Variants in TMEM39B observed in about 807,000 individuals in gnomAD.
TMEM39B encodes the protein transmembrane protein 39B.
Under a neutral mutation model 52.2 loss-of-function variants are expected in TMEM39B, and 23 were observed. The ratio of observed to expected loss-of-function variants is 0.44; its 90% CI spans 0.32 to 0.62. TMEM39B has a LOEUF of 0.62. Among genes scored for constraint, TMEM39B ranks in the 20% least tolerant of loss-of-function variants. The pLI is 0.06. For missense variants in TMEM39B, 547 were observed against 642.0 expected (o/e 0.85, Z 1.60); for synonymous variants, 285 against 264.0 (o/e 1.08, Z -0.77).
chr1:32,081,226 A>T (rs1640088711), intron 5 of TMEM39B, among the ~76,000 whole-genome samples: 2 of 151,102 alleles, frequency 1.3e-5, no homozygotes, highest in Admixed American at 1.3e-4. Context: ...TTACAGACAG[A>T]GTCTGTAAAC....
intron 5 of TMEM39B, among the ~76,000 whole-genome samples, chr1:32,089,052 G>T (rs1408451799): frequency 6.6e-6 from 1 of 151,816 alleles, no homozygotes; most frequent in Non-Finnish European, 1.5e-5. Flanking sequence ...GTAATTTAGG[G>T]CAAGTTAAGG....
chr1:32,075,948 C>T, intron 3 of TMEM39B, 126 bp downstream of exon 3: 1 of 636,046 alleles, frequency 1.6e-6, no homozygotes, highest in Non-Finnish European at 2.7e-6. Flanking sequence ...TGGCTCCATG[C>T]TGAACATGGA....
intron 6 of TMEM39B, among the ~76,000 whole-genome samples, chr1:32,092,816 A>G (rs1050594579): frequency 6.6e-6 from 1 of 152,164 alleles, no homozygotes; most frequent in African/African-American, 2.4e-5. Flanking sequence ...AGTGCAGAGA[A>G]CTAGACTCAC....
chr1:32,089,391 C>T (rs1258042432), intron 5 of TMEM39B, among the ~76,000 whole-genome samples: 6 of 151,760 alleles, frequency 4.0e-5, no homozygotes, highest in Non-Finnish European at 2.9e-5. Flanking sequence ...CTCTGCCTCC[C>T]GAAGTGCTGG....
rs1639857315 is a variant in TMEM39B at position 32,076,284 on chromosome 1, T to TA, written c.351+463dup. On this transcript the variant is annotated intron_variant, in intron 3 of 8. Coordinates refer to ENST00000336294, the MANE Select transcript of TMEM39B (RefSeq NM_018056.4). Reference sequence around the variant, plus strand: ...GTGCCGCCATGTCCGGCTAATTTTGTATTTTTAGTGGAGACAGGGTTTCAC... The same window carrying TA: ...GTGCCGCCATGTCCGGCTAATTTTGTAATTTTTAGTGGAGACAGGGTTTCAC... The TA allele has an allele frequency of 1.9e-5, 5 of 257,958 alleles. No individual in the cohort carries two copies. In the Admixed American group the frequency reaches 2.3e-4, roughly 12 times the overall value. 16.0% of individuals were successfully genotyped at this position (257,958 alleles called of 1,614,324 possible).
intron 6 of TMEM39B, among the ~76,000 whole-genome samples, chr1:32,093,337 G>T (rs1640680662): frequency 6.7e-6 from 1 of 148,222 alleles, no homozygotes; most frequent in Admixed American, 6.8e-5. Context: ...GACCTCAGGT[G>T]ATCCACCCAC....
At chr1:32,087,029 G>A (rs529524028) in intron 5 of TMEM39B, 1 of 152,096 alleles carries the variant, frequency 6.6e-6, no homozygotes, top group African/African-American at 2.4e-5. Flanking sequence ...CCTGAGCCTA[G>A]GAGGTAGAGG....
At chr1:32,077,808 GTGCCTGCATATGCATGTGTGTA>G (rs1412745025) in intron 5 of TMEM39B, among the ~76,000 whole-genome samples, 1 of 152,198 alleles carries the variant, frequency 6.6e-6, no homozygotes, top group Non-Finnish European at 1.5e-5. Flanking sequence ...GCATGTGTGT[GTGCCTGCATATGCATGTGTGTA>G]TGCCTTTGTG....
At position 32,072,980 on chromosome 1, in the gene TMEM39B, C is replaced by T; in HGVS notation, c.-68C>T. 1 of 1,528,338 alleles carries T rather than the reference C, an allele frequency of 6.5e-7. No homozygotes were observed. 94.7% of individuals were successfully genotyped at this position (1,528,338 alleles called of 1,614,324 possible). A position where few individuals can be genotyped will look rare whatever the true frequency, so the allele number is the denominator to read the frequency against. On this transcript the variant is annotated 5_prime_UTR_variant, in exon 1 of 9. Transcript: ENST00000336294. ...CTGCGGCGGTTAGTCCTCTCCCGGC[C>T]GCCGTCGCCTCCGACATATTGCCCG...
At chr1:32,088,853 C>T (rs1450495760) in intron 5 of TMEM39B, among the ~76,000 whole-genome samples, 1 of 152,024 alleles carries the variant, frequency 6.6e-6, no homozygotes, top group Admixed American at 6.6e-5. Flanking sequence ...AAGAGTATTT[C>T]GGGAATGCCA....
intron 7 of TMEM39B, 65 bp from the exon 8 acceptor site, chr1:32,100,377 A>G: frequency 6.7e-7 from 1 of 1,497,570 alleles, no homozygotes; most frequent in Non-Finnish European, 8.9e-7. Context: ...CCTCCTGCCC[A>G]TTCTTCTGGT....
intron 5 of TMEM39B, among the ~76,000 whole-genome samples, chr1:32,084,909 T>C (rs944948424): frequency 3.3e-5 from 5 of 152,134 alleles, no homozygotes; most frequent in African/African-American, 1.2e-4. Flanking sequence ...TCAGAACTTT[T>C]GCAGTTATTA....
At chr1:32,075,154 C>A in intron 2 of TMEM39B, 77 bp downstream of exon 2, 1 of 1,471,938 alleles carries the variant, frequency 6.8e-7, no homozygotes, top group Non-Finnish European at 9.0e-7. Context: ...TGACTGGATT[C>A]TAAGATGTGA....
At chr1:32,076,715 A>G in intron 3 of TMEM39B, 48 bp from the exon 4 acceptor site, 1 of 1,595,230 alleles carries the variant, frequency 6.3e-7, no homozygotes, top group African/African-American at 1.3e-5. Flanking sequence ...AAAAGCCTGC[A>G]TATGGGCAAG....
chr1:32,073,012 C>T lies in TMEM39B; in HGVS notation c.-36C>T. On this transcript the variant is annotated 5_prime_UTR_variant, in exon 1 of 9. Transcript: ENST00000336294. ...GCCTCCGACATATTGCCCGCAGGAG[C>T]TGCGGCGGCGAAGCGGAGAGCACCG... 1 of 1,532,642 alleles carries T rather than the reference C, an allele frequency of 6.5e-7. No individual in the cohort carries two copies. The highest frequency in any genetic ancestry group is 2.6e-5 in the East Asian group (1 of 38,404). 94.9% of individuals were successfully genotyped at this position (1,532,642 alleles called of 1,614,324 possible). A position where few individuals can be genotyped will look rare whatever the true frequency, so the allele number is the denominator to read the frequency against.
At chr1:32,097,475 C>T (rs1015109868) in intron 7 of TMEM39B, among the ~76,000 whole-genome samples, 1 of 149,642 alleles carries the variant, frequency 6.7e-6, no homozygotes, top group Non-Finnish European at 1.5e-5. Flanking sequence ...GGATTACAGG[C>T]GTGCGCCACC....
chr1:32,089,967 T>G (rs1412335578), intron 5 of TMEM39B, among the ~76,000 whole-genome samples: 3 of 151,462 alleles, frequency 2.0e-5, no homozygotes, highest in Non-Finnish European at 4.4e-5. Flanking sequence ...AGGCGGAGGT[T>G]GCAGTGAGCT....
chr1:32,093,101 A>G (rs546899690), intron 6 of TMEM39B, among the ~76,000 whole-genome samples: 2 of 152,040 alleles, frequency 1.3e-5, no homozygotes, highest in East Asian at 3.9e-4. Context: ...GAGAGAACTT[A>G]ATCTCTCTTT....
At chr1:32,077,418 G>A (rs1333696875) in intron 5 of TMEM39B, 100 bp downstream of exon 5, 3 of 1,421,952 alleles carry the variant, frequency 2.1e-6, no homozygotes, top group Non-Finnish European at 2.9e-6. Flanking sequence ...TGGAAGATCG[G>A]AGGCAGGCAG....
Sources: allele counts gnomAD v4.1 joint callset (sites outside exome capture counted in the v4.1 genomes callset), GRCh38; gene constraint gnomAD v4.1.1; transcripts MANE v1.5; gene names NCBI Gene and HGNC (gene_info 2026-07-23, HGNC 2026-07-21).